EPM2A: variants seen among roughly 807,000 people sequenced by gnomAD.
EPM2A encodes EPM2A glucan phosphatase, laforin.
EPM2A carries 21 observed loss-of-function variants against 26.5 expected under a neutral mutation model. That is an observed-to-expected ratio of 0.79 (90% confidence interval 0.56 to 1.14). EPM2A has a LOEUF of 1.14. EPM2A is among the 50% of genes most tolerant of loss of function. The probability of loss-of-function intolerance (pLI) is 0.00; values close to 1 mark genes in which losing one functional copy is unlikely to be tolerated. For synonymous variants in EPM2A, 217 were observed against 177.6 expected, an observed-to-expected ratio of 1.22 and a Z score of -1.76; for missense variants, 458 against 440.8, an observed-to-expected ratio of 1.04 and a Z score of -0.35.
At chr6:145,593,407 T>G (rs998074828) in intron 2 of EPM2A, among the ~76,000 whole-genome samples, 1 of 152,128 alleles carries the variant, frequency 6.6e-6, no homozygotes, top group Non-Finnish European at 1.5e-5. Context: ...TTTTTTGATC[T>G]GAACAACACT....
chr6:145,448,996 T>G (rs148958254), intron 4 of EPM2A, among the ~76,000 whole-genome samples: 1 of 152,320 alleles, frequency 6.6e-6, no homozygotes, highest in Non-Finnish European at 1.5e-5. Flanking sequence ...CTTTGAGGGC[T>G]AGGGATGTGC....
chr6:145,522,623 C>G (rs407887), intron 2 of EPM2A, among the ~76,000 whole-genome samples: 3 of 151,930 alleles, frequency 2.0e-5, no homozygotes, highest in Non-Finnish European at 4.4e-5. Flanking sequence ...TTGATTATTA[C>G]GGCAATTTCT....
At chr6:145,432,943 C>T (rs1778940744) in intron 4 of EPM2A, among the ~76,000 whole-genome samples, 1 of 152,046 alleles carries the variant, frequency 6.6e-6, no homozygotes, top group Non-Finnish European at 1.5e-5. Flanking sequence ...CCTGGTGAAC[C>T]AACTTTTTCT....
At chr6:145,628,706 G>A (rs1296199493) in intron 3 of EPM2A, 1 of 152,224 alleles carries the variant, frequency 6.6e-6, no homozygotes, top group Non-Finnish European at 1.5e-5. Flanking sequence ...ACACACAAGA[G>A]TTCTTTGTGG....
At chr6:145,393,306 A>G (rs749099590) in intron 4 of EPM2A, among the ~76,000 whole-genome samples, 1 of 152,146 alleles carries the variant, frequency 6.6e-6, no homozygotes. Context: ...GCTTTCCACT[A>G]AACAACAAGC....
At chr6:145,722,241 T>C (rs1425062112) in intron 1 of EPM2A, among the ~76,000 whole-genome samples, 1 of 152,190 alleles carries the variant, frequency 6.6e-6, no homozygotes, top group East Asian at 1.9e-4. Context: ...TTCTTGATAA[T>C]GTTCTCAAAA....
At chr6:145,594,615 GAATC>G (rs1781316664) in intron 2 of EPM2A, among the ~76,000 whole-genome samples, 1 of 151,682 alleles carries the variant, frequency 6.6e-6, no homozygotes, top group South Asian at 2.1e-4. Context: ...TAACAAAGTT[GAATC>G]AATATCTTTG....
chr6:145,432,528 A>G (rs1562332324), intron 4 of EPM2A, among the ~76,000 whole-genome samples: 1 of 148,720 alleles, frequency 6.7e-6, no homozygotes, highest in Non-Finnish European at 1.5e-5. Flanking sequence ...CAGTAGTCTC[A>G]GCAGTGGGCT....
chr6:145,430,748 G>T (rs1778910825), intron 4 of EPM2A, among the ~76,000 whole-genome samples: 2 of 152,274 alleles, frequency 1.3e-5, no homozygotes, highest in East Asian at 1.9e-4. Context: ...CAGTGAATTT[G>T]CTCCTCTTCA....
intron 2 of EPM2A, among the ~76,000 whole-genome samples, chr6:145,664,692 C>A (rs1179357559): frequency 1.3e-5 from 2 of 152,182 alleles, no homozygotes; most frequent in Non-Finnish European, 2.9e-5. Context: ...CTCTCCACCC[C>A]AAATCGACAG....
At chr6:145,488,522 T>TGTGAGAGAGAGAGAGAGA (rs1201742298) in intron 4 of EPM2A, among the ~76,000 whole-genome samples, 1 of 139,920 alleles carries the variant, frequency 7.1e-6, no homozygotes, top group African/African-American at 2.8e-5. Flanking sequence ...TGTGTGTGTG[T>TGTGAGAGAGAGAGAGAGA]GAGAGAGAGA....
At chr6:145,690,948 C>A (rs1162878510) in intron 1 of EPM2A, among the ~76,000 whole-genome samples, 1 of 149,156 alleles carries the variant, frequency 6.7e-6, no homozygotes. Context: ...CCAATCTAAA[C>A]AGCAAACAAC....
In EPM2A at chr6:145,667,611, C is replaced by T. The variant is rs944752635; in HGVS notation, c.476+18511G>A. The stretch of plus-strand genomic sequence containing the variant: ...CCTTGTGGAAGTCAGTGTGGCGATT[C>T]CTCAGGGATCTAGAACTAGAAATAC... On this transcript the variant is annotated intron_variant, in intron 2 of 3. Transcript: ENST00000367519. Among the ~76,000 whole-genome samples, 172 of 151,218 alleles carry T rather than the reference C, an allele frequency of 1.1e-3. 1 individual carries two copies. Among genetic ancestry groups the T allele is most frequent in the Non-Finnish European group, 2.2e-3 (148 of 67,986 alleles).
downstream of EPM2A, among the ~76,000 whole-genome samples, chr6:145,501,059 A>G (rs1439555530): frequency 6.6e-6 from 1 of 152,168 alleles, no homozygotes; most frequent in Non-Finnish European, 1.5e-5. Flanking sequence ...GCCAACTAAC[A>G]TTTTCTGAAC....
intron 2 of EPM2A, among the ~76,000 whole-genome samples, chr6:145,647,395 T>A (rs1582960905): frequency 6.6e-6 from 1 of 152,230 alleles, no homozygotes; most frequent in African/African-American, 2.4e-5. Flanking sequence ...CAACCAAGCC[T>A]ACATGATCTT....
chr6:145,652,460 T>A (rs374902434), intron 2 of EPM2A, among the ~76,000 whole-genome samples: 2 of 152,132 alleles, frequency 1.3e-5, no homozygotes, highest in Non-Finnish European at 2.9e-5. Flanking sequence ...TGAAGGTGTT[T>A]ACAAGACAGA....
chr6:145,470,462 T>C (rs1446047743), intron 4 of EPM2A, among the ~76,000 whole-genome samples: 2 of 152,186 alleles, frequency 1.3e-5, no homozygotes, highest in Admixed American at 1.3e-4. Context: ...CAAATCATTA[T>C]AGTTCATTTA....
chr6:145,490,327 G>A, intron 4 of EPM2A: 13 of 1,466,926 alleles, frequency 8.9e-6, no homozygotes, highest in Non-Finnish European at 1.2e-5. Context: ...CACTGTTGCA[G>A]ACATGGCATT....
At chr6:145,516,717 AT>A (rs1780132274) in intron 2 of EPM2A, among the ~76,000 whole-genome samples, 1 of 152,180 alleles carries the variant, frequency 6.6e-6, no homozygotes, top group Non-Finnish European at 1.5e-5. Context: ...TCTCAAGAGG[AT>A]GAACCTCAAA....
Sources: gnomAD v4.1 joint callset for allele counts (sites outside exome capture counted in the v4.1 genomes callset) on GRCh38, gnomAD v4.1.1 for gene constraint, MANE v1.5 for transcripts, NCBI Gene and HGNC (gene_info 2026-07-23, HGNC 2026-07-21) for gene names.